ACAP2: variants seen among roughly 807,000 people sequenced by gnomAD.
The protein encoded by ACAP2 is arf-GAP with coiled-coil, ANK repeat and PH domain-containing protein 2.
ACAP2 carries 39 observed loss-of-function variants against 115.8 expected under a neutral mutation model. The observed-to-expected ratio is 0.34, with a 90% CI of 0.26 to 0.44. ACAP2 has a LOEUF of 0.44. ACAP2 is among the 20% of genes least tolerant of loss of function. The probability of loss-of-function intolerance (pLI) is 1.00; values close to 1 mark genes in which losing one functional copy is unlikely to be tolerated. For missense variants in ACAP2, 662 were observed against 927.6 expected (o/e 0.71, Z 3.72); for synonymous variants, 289 against 315.8 (o/e 0.92, Z 0.90).
intron 2 of ACAP2, among the ~76,000 whole-genome samples, chr3:195,389,877 C>T (rs959220495): frequency 1.3e-5 from 2 of 152,176 alleles, no homozygotes; most frequent in Non-Finnish European, 2.9e-5. Flanking sequence ...TGCAGTGATG[C>T]GCAAGAAGAG....
intron 4 of ACAP2, among the ~76,000 whole-genome samples, chr3:195,365,268 A>C (rs1732640216): frequency 6.6e-6 from 1 of 152,210 alleles, no homozygotes; most frequent in African/African-American, 2.4e-5. Context: ...TAAAATAACA[A>C]GGTGTATAAC....
intron 1 of ACAP2, among the ~76,000 whole-genome samples, chr3:195,430,757 G>T (rs1715057104): frequency 6.6e-6 from 1 of 151,986 alleles, no homozygotes; most frequent in Non-Finnish European, 1.5e-5. Context: ...AGGGGCTGGG[G>T]TTTAAAGATC....
chr3:195,405,750 G>C (rs1712716961), intron 1 of ACAP2, among the ~76,000 whole-genome samples: 1 of 152,128 alleles, frequency 6.6e-6, no homozygotes, highest in African/African-American at 2.4e-5. Flanking sequence ...TTGGCTCATG[G>C]TTCTGCAGGC....
At chr3:195,410,266 CT>C (rs1340814643) in intron 1 of ACAP2, among the ~76,000 whole-genome samples, 5 of 152,106 alleles carry the variant, frequency 3.3e-5, no homozygotes, top group African/African-American at 1.2e-4. Flanking sequence ...CAAAAATTAA[CT>C]CAAAAGAGAT....
intron 1 of ACAP2, among the ~76,000 whole-genome samples, chr3:195,432,504 A>G (rs1186839237): frequency 1.3e-5 from 2 of 152,214 alleles, no homozygotes; most frequent in Non-Finnish European, 2.9e-5. Context: ...CCATAAATGC[A>G]AGGCTTTGTT....
rs1473802648 is a variant in ACAP2 at position 195,287,197 on chromosome 3, A to G, written c.2175-1340T>C. ...GTGAATAAGTGATAAAGAATAAGTG[A>G]CGATACAAAACATGCTTGAGATTTC... On this transcript the variant is annotated intron_variant, in intron 21 of 22. Coordinates refer to ENST00000326793, the MANE Select transcript of ACAP2 (RefSeq NM_012287.6). Among the ~76,000 whole-genome samples, 4 of 152,244 alleles carry G rather than the reference A, an allele frequency of 2.6e-5. 1 individual carries two copies. The highest frequency in any genetic ancestry group is 9.6e-5 in the African/African-American group (4 of 41,464).
chr3:195,308,981 A>G (rs1728585700), intron 10 of ACAP2, 144 bp from the exon 11 acceptor site: 1 of 731,322 alleles, frequency 1.4e-6, no homozygotes, highest in Non-Finnish European at 2.1e-6. Flanking sequence ...TGCTTTATAT[A>G]AACTGATTCT....
chr3:195,345,108 T>G (rs1560268018), intron 5 of ACAP2, 151 bp downstream of exon 5: 3 of 648,344 alleles, frequency 4.6e-6, no homozygotes, highest in Non-Finnish European at 8.3e-6. Flanking sequence ...ATAGAGTAAT[T>G]TAGGAAGAAA....
chr3:195,372,633 G>C (rs1164878800), intron 4 of ACAP2, among the ~76,000 whole-genome samples: 1 of 152,002 alleles, frequency 6.6e-6, no homozygotes, highest in Non-Finnish European at 1.5e-5. Context: ...ACCAGCCTGG[G>C]CAACACAGGA....
intron 7 of ACAP2, among the ~76,000 whole-genome samples, chr3:195,334,843 CTATCCTAAGAAAATAATAAGAT>C (rs1398691918): frequency 1.3e-5 from 2 of 152,144 alleles, no homozygotes; most frequent in Non-Finnish European, 2.9e-5. Flanking sequence ...ATAAATAAAT[CTATCCTAAGAAAATAATAAGAT>C]TATTCATTAG....
intron 7 of ACAP2, among the ~76,000 whole-genome samples, chr3:195,333,789 A>C (rs1280509659): frequency 6.6e-6 from 1 of 152,208 alleles, no homozygotes; most frequent in Non-Finnish European, 1.5e-5. Flanking sequence ...AATTGCAAAA[A>C]AGACAAAAAG....
intron 21 of ACAP2, among the ~76,000 whole-genome samples, chr3:195,286,613 C>T (rs532057732): frequency 2.2e-4 from 34 of 152,320 alleles, no homozygotes; most frequent in African/African-American, 7.9e-4. Context: ...GCAACTGCAG[C>T]GTGTGACATG....
At chr3:195,377,803 G>A (rs6798243) in intron 4 of ACAP2, among the ~76,000 whole-genome samples, 5,492 of 152,138 alleles carry the variant, frequency 0.036, 178 homozygotes, top group East Asian at 0.1. Flanking sequence ...TTTCTGAGAC[G>A]CTGTCAAAAA....
In ACAP2 at chr3:195,275,321, TC is replaced by T. The variant is rs1726151869; in HGVS notation, c.*4006del. 6.6e-6 allele frequency: 1 copy of T among 152,258 alleles called. No homozygotes were observed. The highest frequency in any genetic ancestry group is 6.5e-5 in the Admixed American group (1 of 15,284). 9.4% of individuals were successfully genotyped at this position (152,258 alleles called of 1,614,324 possible). ...AAATTTATGTAAACAGAAAAAGATGTCCACAAAACCATATCTGTAGATGTCA... is the reference window on the plus strand; with the variant it reads ...AAATTTATGTAAACAGAAAAAGATGTCACAAAACCATATCTGTAGATGTCA... On this transcript the variant is annotated 3_prime_UTR_variant, in exon 23 of 23. Coordinates refer to ENST00000326793, the MANE Select transcript of ACAP2 (RefSeq NM_012287.6).
At chr3:195,321,708 G>A (rs562968862) in intron 9 of ACAP2, among the ~76,000 whole-genome samples, 4 of 150,444 alleles carry the variant, frequency 2.7e-5, no homozygotes, top group South Asian at 2.1e-4. Flanking sequence ...CTGCCTCCCC[G>A]TTCAAGTGAT....
At chr3:195,313,347 T>C (rs1279823986) in intron 10 of ACAP2, among the ~76,000 whole-genome samples, 1 of 152,226 alleles carries the variant, frequency 6.6e-6, no homozygotes, top group African/African-American at 2.4e-5. Context: ...TCGCGCCTCA[T>C]CTTAATAAGC....
At chr3:195,326,465 G>T (rs1729800466) in intron 9 of ACAP2, 1 of 155,704 alleles carries the variant, frequency 6.4e-6, no homozygotes, top group South Asian at 2.0e-4. Context: ...AGTGACTGCA[G>T]TTGGAAAGTC....
intron 7 of ACAP2, among the ~76,000 whole-genome samples, chr3:195,334,589 C>T (rs1560255536): frequency 6.6e-6 from 1 of 151,892 alleles, no homozygotes; most frequent in Admixed American, 6.6e-5. Context: ...ACATAAGTGG[C>T]CAAAAAACAC....
chr3:195,424,384 T>G (rs1714498729), intron 1 of ACAP2, among the ~76,000 whole-genome samples: 1 of 140,848 alleles, frequency 7.1e-6, no homozygotes, highest in South Asian at 2.3e-4. Flanking sequence ...AACCTCCACC[T>G]CCCTGGTTCA....
Sources: gnomAD v4.1 joint callset for allele counts (sites outside exome capture counted in the v4.1 genomes callset) on GRCh38, gnomAD v4.1.1 for gene constraint, MANE v1.5 for transcripts, NCBI Gene and HGNC (gene_info 2026-07-23, HGNC 2026-07-21) for gene names.